SHANK2: variants seen among roughly 807,000 people sequenced by gnomAD.
The protein encoded by SHANK2 is SH3 and multiple ankyrin repeat domains 2.
A neutral mutation model predicts 133.7 loss-of-function variants in SHANK2; 43 were observed. The observed-to-expected ratio is 0.32, with a 90% confidence interval of 0.25 to 0.41. The LOEUF (loss-of-function observed/expected upper bound fraction) is 0.41. Among genes scored for constraint, SHANK2 ranks in the 10% least tolerant of loss-of-function variants. The pLI, the probability that SHANK2 is intolerant of heterozygous loss-of-function variation, is 1.00. For missense variants in SHANK2, 1,994 were observed against 2,235.8 expected, an observed-to-expected ratio of 0.89 and a Z score of 2.18; for synonymous variants, 1,017 against 952.8, an observed-to-expected ratio of 1.07 and a Z score of -1.24.
chr11:70,934,830 C>T (rs1281783950), intron 10 of SHANK2, among the ~76,000 whole-genome samples: 1 of 152,178 alleles, frequency 6.6e-6, no homozygotes, highest in Non-Finnish European at 1.5e-5. Context: ...AGGAGGACCT[C>T]CTTGCTGGGG....
intron 21 of SHANK2, among the ~76,000 whole-genome samples, chr11:70,493,182 T>C (rs1555156369): frequency 6.6e-6 from 1 of 151,034 alleles, no homozygotes; most frequent in African/African-American, 2.4e-5. Context: ...TGTTTGTTTT[T>C]GTTTTTTTTT....
intron 15 of SHANK2, among the ~76,000 whole-genome samples, chr11:70,672,845 A>G (rs1555016415): frequency 6.6e-6 from 1 of 152,160 alleles, no homozygotes; most frequent in Non-Finnish European, 1.5e-5. Context: ...TTTTGGAAGG[A>G]AGGAAAAGTG....
chr11:70,500,540 G>T lies in SHANK2; in HGVS notation c.2308+30C>A. 1 of 1,596,838 alleles carries T rather than the reference G, an allele frequency of 6.3e-7. No homozygotes were observed. Among genetic ancestry groups the T allele is most frequent in the African/African-American group, 1.3e-5 (1 of 74,802 alleles). ...GTTCCACAGGGGGGTGATGGGCAGGGGGCTGAGACAGACACTGGGCCTCCC... is the reference window on the plus strand; with the variant it reads ...GTTCCACAGGGGGGTGATGGGCAGGTGGCTGAGACAGACACTGGGCCTCCC... On this transcript the variant is annotated intron_variant, in intron 21 of 25. Transcript: ENST00000601538. The surrounding 1 kb of genome is among the most constrained non-coding windows in gnomAD (Gnocchi z 4.5).
At chr11:71,176,003 C>T (rs1555113068) in intron 2 of SHANK2, among the ~76,000 whole-genome samples, 2 of 152,172 alleles carry the variant, frequency 1.3e-5, no homozygotes, top group African/African-American at 2.4e-5. Flanking sequence ...ATGTAACAAA[C>T]CACCTTAGGC....
At chr11:70,713,199 G>C (rs1437924551) in intron 14 of SHANK2, among the ~76,000 whole-genome samples, 2 of 152,170 alleles carry the variant, frequency 1.3e-5, no homozygotes, top group Non-Finnish European at 1.5e-5. Context: ...CAAATCCAGG[G>C]GCCAAGGAAG....
intron 10 of SHANK2, among the ~76,000 whole-genome samples, chr11:70,915,281 C>CGCCA (rs1565403369): frequency 6.6e-6 from 1 of 152,110 alleles, no homozygotes; most frequent in African/African-American, 2.4e-5. Flanking sequence ...TTCCCAAATC[C>CGCCA]GCCAGCACAT....
At chr11:71,207,194 T>C (rs77443656) in intron 2 of SHANK2, among the ~76,000 whole-genome samples, 1 of 150,420 alleles carries the variant, frequency 6.6e-6, no homozygotes, top group East Asian at 1.9e-4. Context: ...TTTTTTTTTT[T>C]TTTGAGACAG....
chr11:70,803,941 G>C (rs187469958), intron 13 of SHANK2, among the ~76,000 whole-genome samples: 1 of 152,086 alleles, frequency 6.6e-6, no homozygotes, highest in African/African-American at 2.4e-5. Flanking sequence ...ACTGTCTACT[G>C]GGAACGTCAA....
At chr11:71,113,169 C>T (rs1951917697) in intron 5 of SHANK2, 124 bp downstream of exon 5, 4 of 885,728 alleles carry the variant, frequency 4.5e-6, no homozygotes, top group Non-Finnish European at 7.1e-6. Context: ...CCCAGCCCAG[C>T]CACACGCCAT....
chr11:71,157,871 G>A (rs1249690464), intron 2 of SHANK2, among the ~76,000 whole-genome samples: 5 of 152,140 alleles, frequency 3.3e-5, no homozygotes, highest in African/African-American at 1.2e-4. Flanking sequence ...TACAGAGAAG[G>A]AAACCAATCA....
chr11:70,877,784 G>T (rs1555071632), intron 11 of SHANK2, among the ~76,000 whole-genome samples: 1 of 152,186 alleles, frequency 6.6e-6, no homozygotes, highest in Admixed American at 6.5e-5. Context: ...GCAGAGGGAA[G>T]CCAAATATAG....
At chr11:70,507,744 G>A (rs1554968654) in intron 17 of SHANK2, among the ~76,000 whole-genome samples, 1 of 152,210 alleles carries the variant, frequency 6.6e-6, no homozygotes, top group African/African-American at 2.4e-5. Context: ...AAGTGGCCCC[G>A]AATCTTGCAC....
chr11:70,782,799 G>C (rs1269274109), intron 14 of SHANK2, among the ~76,000 whole-genome samples: 3 of 152,200 alleles, frequency 2.0e-5, no homozygotes, highest in Non-Finnish European at 4.4e-5. Context: ...AGTAATAAGG[G>C]AACCGCAAAT....
intron 11 of SHANK2, among the ~76,000 whole-genome samples, chr11:70,840,963 A>G (rs1444388534): frequency 6.6e-6 from 1 of 152,174 alleles, no homozygotes; most frequent in Non-Finnish European, 1.5e-5. Flanking sequence ...CCAGAGGTGT[A>G]TAAAACATAT....
Position 70,850,384 on chromosome 11 carries a change from T to C in SHANK2, c.1175-29702A>G, listed in dbSNP as rs1406781028. 2.0e-5 allele frequency among the ~76,000 whole-genome samples: 3 copies of C among 152,206 alleles called. No homozygotes were observed. The South Asian group carries it at 6.2e-4, about 32-fold the overall frequency. ...GAAGCAGTGGTTTTTGATGCATTTTTTCAAGCAACTGGCTCACTTTACCCA... is the reference window on the plus strand; with the variant it reads ...GAAGCAGTGGTTTTTGATGCATTTTCTCAAGCAACTGGCTCACTTTACCCA... On this transcript the variant is annotated intron_variant, in intron 11 of 25. Transcript: ENST00000601538.
rs188819152 is a variant in SHANK2 at position 70,890,457 on chromosome 11, G to C, written c.1174+6044C>G. On this transcript the variant is annotated intron_variant, in intron 11 of 25. Coordinates refer to ENST00000601538, the MANE Select transcript of SHANK2 (RefSeq NM_012309.5). ...AGATTGAGATCAAACTGGCGAACAT[G>C]GTGAAACCCTGTCTCTACTAAAAAA... Among the ~76,000 whole-genome samples the C allele has an allele frequency of 1.0e-3, 150 of 150,436 alleles. 2 individuals carry two copies. Among genetic ancestry groups the C allele is most frequent in the Admixed American group, 5.1e-3 (77 of 15,082 alleles).
chr11:70,906,088 C>G (rs1555077913), intron 10 of SHANK2, among the ~76,000 whole-genome samples: 2 of 152,338 alleles, frequency 1.3e-5, no homozygotes, highest in Admixed American at 1.3e-4. Flanking sequence ...GCTGGGATCA[C>G]AGGATTGCAC....
At chr11:70,561,788 G>A (rs1554980945) in intron 17 of SHANK2, among the ~76,000 whole-genome samples, 2 of 152,016 alleles carry the variant, frequency 1.3e-5, no homozygotes. Flanking sequence ...TCCCATCTTG[G>A]TCTCCTAAAG....
At chr11:70,668,458 T>C (rs1555015295) in intron 15 of SHANK2, 1 of 152,316 alleles carries the variant, frequency 6.6e-6, no homozygotes, top group East Asian at 1.9e-4. Context: ...AGGAAGACTC[T>C]CCCCTGGAGC....
Sources: allele counts gnomAD v4.1 joint callset (sites outside exome capture counted in the v4.1 genomes callset), GRCh38; gene constraint gnomAD v4.1.1; non-coding constraint Gnocchi (gnomAD v3.1); transcripts MANE v1.5; gene names NCBI Gene and HGNC (gene_info 2026-07-23, HGNC 2026-07-21).